ZSCAN18: variants seen among roughly 807,000 people sequenced by gnomAD.
The protein encoded by ZSCAN18 is zinc finger and SCAN domain-containing protein 18.
Under a neutral mutation model 31.1 loss-of-function variants are expected in ZSCAN18, and 16 were observed. That is an observed-to-expected ratio of 0.51 (90% CI 0.35 to 0.78). ZSCAN18 has a LOEUF of 0.78. Among genes scored for constraint, ZSCAN18 ranks in the 30% least tolerant of loss-of-function variants. The pLI is 0.01. For missense variants in ZSCAN18, 731 were observed against 697.4 expected (o/e 1.05, Z -0.54); for synonymous variants, 375 against 320.7 (o/e 1.17, Z -1.81).
intron 1 of ZSCAN18, among the ~76,000 whole-genome samples, chr19:58,097,577 TC>T (rs142482906): frequency 0.16 from 24,888 of 151,198 alleles, 2,621 homozygotes; most frequent in Non-Finnish European, 0.24. Context: ...ACCCCTTTGG[TC>T]CCCGCACCCT....
chr19:58,092,615 AG>A, intron 1 of ZSCAN18: 1 of 672,036 alleles, frequency 1.5e-6, no homozygotes, highest in African/African-American at 2.0e-5. Flanking sequence ...GTTTGCAGAG[AG>A]TCAACTATCA....
At chr19:58,097,786 C>T (rs1474484151) in intron 1 of ZSCAN18, 1 of 108,210 alleles carries the variant, frequency 9.2e-6, no homozygotes, top group African/African-American at 3.5e-5. Flanking sequence ...TTCCCCTCCC[C>T]CCTTTCTCCC....
chr19:58,106,902 A>C (rs1284320442), intron 1 of ZSCAN18, among the ~76,000 whole-genome samples: 1 of 151,496 alleles, frequency 6.6e-6, no homozygotes, highest in East Asian at 2.0e-4. Context: ...CTGGGATTAC[A>C]GGTGTGCACC....
chr19:58,105,609 A>C (rs568460764), intron 1 of ZSCAN18, among the ~76,000 whole-genome samples: 2 of 151,954 alleles, frequency 1.3e-5, no homozygotes. Flanking sequence ...TGCAGTGAGC[A>C]GAGATCGCAC....
intron 1 of ZSCAN18, chr19:58,109,080 C>T: frequency 8.1e-7 from 1 of 1,227,024 alleles, no homozygotes; most frequent in Middle Eastern, 3.1e-4. Context: ...TGACCACAGC[C>T]CCTCATAGAT....
chr19:58,111,264 T>C (rs1416740488), intron 1 of ZSCAN18, among the ~76,000 whole-genome samples: 1 of 152,184 alleles, frequency 6.6e-6, no homozygotes, highest in Non-Finnish European at 1.5e-5. Flanking sequence ...GTGAGCAGGA[T>C]TGCACCATCC....
intron 1 of ZSCAN18, among the ~76,000 whole-genome samples, chr19:58,109,977 G>C (rs1327935291): frequency 1.3e-5 from 2 of 152,088 alleles, no homozygotes; most frequent in Non-Finnish European, 2.9e-5. Flanking sequence ...CAATCTCCTA[G>C]GCTCCTCCCA....
chr19:58,109,560 G>A (rs1345039045), intron 1 of ZSCAN18, among the ~76,000 whole-genome samples: 1 of 151,978 alleles, frequency 6.6e-6, no homozygotes, highest in African/African-American at 2.4e-5. Flanking sequence ...GAAAACTTGT[G>A]GTTTACTTAC....
chr19:58,087,278 G>A, intron 4 of ZSCAN18, 38 bp downstream of exon 4: 2 of 1,564,320 alleles, frequency 1.3e-6, no homozygotes, highest in Non-Finnish European at 1.7e-6. Flanking sequence ...TCTAAGCTGA[G>A]GCCAAGGCCC....
At chr19:58,088,551 G>A (rs2074332836) in intron 3 of ZSCAN18, 137 bp downstream of exon 3, 2 of 790,276 alleles carry the variant, frequency 2.5e-6, no homozygotes, top group South Asian at 3.7e-5. Flanking sequence ...GAAACTACAG[G>A]AGGAAGTCCC....
intron 1 of ZSCAN18, among the ~76,000 whole-genome samples, chr19:58,096,618 C>T (rs2074524598): frequency 6.6e-6 from 1 of 152,176 alleles, no homozygotes; most frequent in African/African-American, 2.4e-5. Flanking sequence ...TGGGCCCAGC[C>T]CTGGCCACCT....
At chr19:58,087,083 A>G in intron 4 of ZSCAN18, 75 bp from the exon 5 acceptor site, 1 of 1,328,868 alleles carries the variant, frequency 7.5e-7, no homozygotes. Context: ...CCACAGCCAC[A>G]GGAGCAGGCT....
exon 1 of ZSCAN18, chr19:58,118,333 G>A (rs2146035066): frequency 4.6e-6 from 7 of 1,532,178 alleles, no homozygotes; most frequent in East Asian, 5.2e-5. Flanking sequence ...GAGGCCGCGA[G>A]AGGACGGAAC....
Position 58,084,847 on chromosome 19 carries a change from G to C in ZSCAN18, c.1371C>G (p.Ala457=), listed in dbSNP as rs1482984199. ...WKTFHFSLAL[A]EHQKTHEKEK... ...CCTTCTCGTGGGTCTTCTGGTGCTCGGCTAGGGCCAGGCTGAAGTGGAAGG... is the reference window on the plus strand; with the variant it reads ...CCTTCTCGTGGGTCTTCTGGTGCTCCGCTAGGGCCAGGCTGAAGTGGAAGG... The change falls in exon 7 of 7, where the codon GCC becomes GCG. Residue 457 remains alanine (A), a synonymous_variant. Coordinates refer to ENST00000601144, the MANE Select transcript of ZSCAN18 (RefSeq NM_001145543.2). This position sits in a 1 kb window ranked among gnomAD's most constrained non-coding sequence, Gnocchi z 4.5. 1.3e-6 allele frequency: 2 copies of C among 1,599,800 alleles called. No individual in the cohort carries two copies. Among genetic ancestry groups the C allele is most frequent in the Admixed American group, 1.7e-5 (1 of 58,256 alleles).
rs1173129551 is a variant in ZSCAN18 at position 58,084,939 on chromosome 19, G to A, written c.1279C>T (p.His427Tyr). Residue 427 changes from histidine to tyrosine, a missense_variant, in exon 7 of 7, where the codon CAC (histidine) becomes TAC (tyrosine). His to Tyr is a moderately conservative substitution (Grantham distance 83). This residue lies in a region of ZSCAN18 where 597 missense variants were observed against 499.5 expected (regional missense o/e 1.20). Transcript: ENST00000601144. This position sits in a 1 kb window ranked among gnomAD's most constrained non-coding sequence, Gnocchi z 4.5. ...ECGEAFAWLS[H>Y]LMEHHSSHGG... ...TGGCTGCTGTGGTGCTCCATCAGGTGCGAGAGCCACGCGAAGGCCTCCCCG... is the reference window on the plus strand; with the variant it reads ...TGGCTGCTGTGGTGCTCCATCAGGTACGAGAGCCACGCGAAGGCCTCCCCG... 3.8e-6 allele frequency: 6 copies of A among 1,597,538 alleles called. No homozygotes were observed. The East Asian group carries it at 1.4e-4, about 36-fold the overall frequency.
chr19:58,113,770 G>C (rs1184941208), intron 1 of ZSCAN18, among the ~76,000 whole-genome samples: 5 of 152,132 alleles, frequency 3.3e-5, no homozygotes, highest in Non-Finnish European at 5.9e-5. Flanking sequence ...CTTGAGGTCA[G>C]GAGTTCGAGA....
At chr19:58,118,396 T>G (rs773035760) in exon 1 of ZSCAN18, 1 of 1,521,222 alleles carries the variant, frequency 6.6e-7, no homozygotes, top group Middle Eastern at 1.7e-4. Context: ...ACTCTCCGCA[T>G]GGGCGCGCAG....
At chr19:58,086,688 C>T in intron 5 of ZSCAN18, 2 of 529,044 alleles carry the variant, frequency 3.8e-6, no homozygotes, top group Admixed American at 7.1e-5. Flanking sequence ...AATTCCGAGG[C>T]TTCAGTCCTA....
At chr19:58,114,008 G>A (rs1030663447) in intron 1 of ZSCAN18, among the ~76,000 whole-genome samples, 3 of 151,406 alleles carry the variant, frequency 2.0e-5, no homozygotes, top group Non-Finnish European at 2.9e-5. Context: ...GGTGGCTCGC[G>A]CCTGTAATCC....
Sources: gnomAD v4.1 joint callset for allele counts (sites outside exome capture counted in the v4.1 genomes callset) on GRCh38, gnomAD v4.1.1 for gene constraint, gnomAD v4.1.1 regional missense constraint, Gnocchi (gnomAD v3.1) non-coding constraint, MANE v1.5 for transcripts, NCBI Gene and HGNC (gene_info 2026-07-23, HGNC 2026-07-21) for gene names.